SDK2: variants seen among roughly 807,000 people sequenced by gnomAD.
SDK2 encodes the protein protein sidekick-2.
SDK2 carries 105 observed loss-of-function variants against 253.9 expected under a neutral mutation model. The observed-to-expected ratio is 0.41, with a 90% CI of 0.35 to 0.49. The LOEUF is 0.49. Ranked by LOEUF, SDK2 falls within the 20% of genes least tolerant of loss-of-function variation. SDK2 has a pLI of 0.06. For missense variants in SDK2, 2,608 were observed against 3,003.0 expected (o/e 0.87, Z 3.07); for synonymous variants, 1,249 against 1,234.9 (o/e 1.01, Z -0.24).
intron 37 of SDK2, 143 bp from the exon 38 acceptor site, chr17:73,365,538 G>A (rs1490878637): frequency 5.2e-6 from 4 of 764,434 alleles, no homozygotes; most frequent in South Asian, 2.3e-5. Context: ...GGGCGGGCAG[G>A]AGGGGTCACT....
chr17:73,370,059 T>G (rs1056613699), intron 36 of SDK2, among the ~76,000 whole-genome samples: 1 of 152,232 alleles, frequency 6.6e-6, no homozygotes, highest in African/African-American at 2.4e-5. Flanking sequence ...GGAGGTCATT[T>G]GGCGCCCCCT....
chr17:73,553,486 C>T (rs1486025516), intron 1 of SDK2, among the ~76,000 whole-genome samples: 2 of 152,178 alleles, frequency 1.3e-5, no homozygotes, highest in Non-Finnish European at 2.9e-5. Context: ...GAGTCACCCC[C>T]AAGCCCTGCC....
At chr17:73,484,335 G>T (rs894173799) in intron 2 of SDK2, among the ~76,000 whole-genome samples, 3 of 152,234 alleles carry the variant, frequency 2.0e-5, no homozygotes, top group Non-Finnish European at 4.4e-5. Context: ...GGTGGCCAGA[G>T]CAGCCCCATG....
intron 1 of SDK2, among the ~76,000 whole-genome samples, chr17:73,508,811 G>A (rs922623490): frequency 2.6e-5 from 4 of 152,220 alleles, no homozygotes; most frequent in Non-Finnish European, 5.9e-5. Flanking sequence ...CAAAACCCGG[G>A]TGGGAGGAGA....
intron 40 of SDK2, among the ~76,000 whole-genome samples, chr17:73,357,047 G>A (rs2062597746): frequency 6.6e-6 from 1 of 152,208 alleles, no homozygotes; most frequent in Non-Finnish European, 1.5e-5. Context: ...GGCCAGGGAG[G>A]GACCATCTGG....
Position 73,580,809 on chromosome 17 carries a change from A to G in SDK2, c.64+63216T>C, listed in dbSNP as rs139799335. On this transcript the variant is annotated intron_variant, in intron 1 of 44. Transcript: ENST00000392650. ...AGATTTTGAAATATTTGCGTTATAT[A>G]CTTACCACTGAACATCCCAAATAGG... Among the ~76,000 whole-genome samples, 304 of 152,356 alleles carry G rather than the reference A, an allele frequency of 2.0e-3. 1 individual carries two copies. The highest frequency in any genetic ancestry group is 6.9e-3 in the African/African-American group (288 of 41,592).
intron 39 of SDK2, among the ~76,000 whole-genome samples, chr17:73,360,934 T>G (rs1185391753): frequency 7.3e-6 from 1 of 136,196 alleles, no homozygotes; most frequent in East Asian, 2.1e-4. Context: ...AGACTCTGTC[T>G]CCAGAAAAAA....
intron 1 of SDK2, among the ~76,000 whole-genome samples, chr17:73,602,719 G>A (rs755034572): frequency 6.6e-6 from 1 of 151,814 alleles, no homozygotes; most frequent in African/African-American, 2.4e-5. Flanking sequence ...CAACCCTGGC[G>A]CTATTTTGTT....
intron 1 of SDK2, among the ~76,000 whole-genome samples, chr17:73,569,785 G>A (rs911933618): frequency 1.3e-4 from 20 of 152,016 alleles, no homozygotes; most frequent in South Asian, 4.2e-4. Context: ...GTAGATGGGC[G>A]ATGAGAACCC....
chr17:73,452,845 G>A (rs1483249602), intron 4 of SDK2, among the ~76,000 whole-genome samples: 3 of 152,136 alleles, frequency 2.0e-5, no homozygotes, highest in Non-Finnish European at 4.4e-5. Context: ...GATGGGGCTG[G>A]GACTCGTCTA....
intron 1 of SDK2, among the ~76,000 whole-genome samples, chr17:73,611,568 G>A (rs1325353623): frequency 6.6e-6 from 1 of 152,242 alleles, no homozygotes; most frequent in African/African-American, 2.4e-5. Context: ...TGCTCACATG[G>A]TAAGTGGAAT....
At chr17:73,491,643 G>A (rs1367322692) in intron 2 of SDK2, among the ~76,000 whole-genome samples, 1 of 152,186 alleles carries the variant, frequency 6.6e-6, no homozygotes, top group East Asian at 1.9e-4. Flanking sequence ...CTTCCTCAAC[G>A]TCTGCTCAGA....
chr17:73,592,321 C>A (rs967048944), intron 1 of SDK2, among the ~76,000 whole-genome samples: 7 of 152,212 alleles, frequency 4.6e-5, no homozygotes, highest in Non-Finnish European at 8.8e-5. Context: ...ATTGCACCTG[C>A]CAGCAGGGTT....
At chr17:73,396,584 G>C (rs1057280694) in intron 24 of SDK2, among the ~76,000 whole-genome samples, 3 of 152,338 alleles carry the variant, frequency 2.0e-5, no homozygotes, top group East Asian at 3.9e-4. Flanking sequence ...CGATGGTCCT[G>C]AGAGCCGGAG....
intron 44 of SDK2, among the ~76,000 whole-genome samples, chr17:73,341,470 G>A (rs973047762): frequency 2.0e-5 from 3 of 152,050 alleles, no homozygotes; most frequent in Admixed American, 1.3e-4. Context: ...CGATTTTAGC[G>A]CACAGCACAC....
At chr17:73,396,824 G>A (rs2062974914) in intron 24 of SDK2, among the ~76,000 whole-genome samples, 1 of 152,210 alleles carries the variant, frequency 6.6e-6, no homozygotes, top group Non-Finnish European at 1.5e-5. Context: ...GGGATGCCTG[G>A]GAGCAAAGAG....
Position 73,336,462 on chromosome 17 carries a change from A to T in SDK2, c.*2125T>A, listed in dbSNP as rs1346145821. 2.6e-5 allele frequency: 4 copies of T among 152,300 alleles called. No individual in the cohort carries two copies. The highest frequency in any genetic ancestry group is 7.2e-5 in the African/African-American group (3 of 41,394). 9.4% of individuals were successfully genotyped at this position (152,300 alleles called of 1,614,324 possible). A position where few individuals can be genotyped will look rare whatever the true frequency, so the allele number is the denominator to read the frequency against. On this transcript the variant is annotated 3_prime_UTR_variant, in exon 45 of 45. Transcript: ENST00000392650. The stretch of plus-strand genomic sequence containing the variant: ...CTTCCCAGGCCTCCTTATTGGAGAA[A>T]CCGCTTTTTGGACACTGGAGCTGGG...
chr17:73,506,305 G>T (rs1471156971), intron 2 of SDK2, among the ~76,000 whole-genome samples: 1 of 152,200 alleles, frequency 6.6e-6, no homozygotes, highest in South Asian at 2.1e-4. Context: ...TGGAGAACCG[G>T]AGGCCCAGAG....
At chr17:73,453,397 G>C (rs2063502499) in intron 4 of SDK2, among the ~76,000 whole-genome samples, 2 of 145,520 alleles carry the variant, frequency 1.4e-5, no homozygotes, top group Admixed American at 1.4e-4. Context: ...TTTTTTTTGA[G>C]ATGGAGTCTT....
Sources: gnomAD v4.1 joint callset for allele counts (sites outside exome capture counted in the v4.1 genomes callset) on GRCh38, gnomAD v4.1.1 for gene constraint, MANE v1.5 for transcripts, NCBI Gene and HGNC (gene_info 2026-07-23, HGNC 2026-07-21) for gene names.